Variants in LARGE1 observed in about 807,000 individuals in gnomAD.
The protein encoded by LARGE1 is LARGE xylosyl- and glucuronyltransferase 1, also known as xylosyl- and glucuronyltransferase LARGE1.
A neutral mutation model predicts 87.6 loss-of-function variants in LARGE1; 43 were observed. The observed-to-expected ratio is 0.49, with a 90% confidence interval of 0.38 to 0.63. The LOEUF is 0.63. Ranked by LOEUF, LARGE1 falls within the 30% of genes least tolerant of loss-of-function variation. The probability of loss-of-function intolerance (pLI) is 0.00; values close to 1 mark genes in which losing one functional copy is unlikely to be tolerated. For missense variants in LARGE1, 802 were observed against 1,000.2 expected, an observed-to-expected ratio of 0.80 and a Z score of 2.67; for synonymous variants, 434 against 394.6, an observed-to-expected ratio of 1.10 and a Z score of -1.18.
At chr22:33,122,359 CTTTT>C in the LARGE1 span, among the ~76,000 whole-genome samples, 2 of 132,338 alleles carry the variant, frequency 1.5e-5, no homozygotes, top group African/African-American at 2.9e-5. Flanking sequence ...TTTTCTTTTT[CTTTT>C]TTTTTTTTTT....
chr22:33,084,989 G>A, the LARGE1 span, among the ~76,000 whole-genome samples: 3 of 151,888 alleles, frequency 2.0e-5, no homozygotes, highest in Non-Finnish European at 4.4e-5. Context: ...AAAAACAGTA[G>A]AATTGGCCAG....
At chr22:33,124,386 G>GGAAGGAAGGA in the LARGE1 span, among the ~76,000 whole-genome samples, 15 of 61,628 alleles carry the variant, frequency 2.4e-4, no homozygotes, top group African/African-American at 3.8e-4. Flanking sequence ...GGAAGGAAGG[G>GGAAGGAAGGA]AGGAAGGAAA....
At chr22:33,571,623 G>T (rs917005089) in intron 5 of LARGE1, among the ~76,000 whole-genome samples, 6 of 152,202 alleles carry the variant, frequency 3.9e-5, no homozygotes, top group Non-Finnish European at 7.3e-5. Context: ...CCCCAGTAAA[G>T]ATAATAATAG....
At chr22:33,577,166 C>T (rs1465549254) in intron 5 of LARGE1, among the ~76,000 whole-genome samples, 2 of 151,956 alleles carry the variant, frequency 1.3e-5, no homozygotes, top group African/African-American at 4.8e-5. Context: ...AAAGTTGGTT[C>T]TTGTGGGGAT....
chr22:33,643,859 C>T (rs542110401), intron 3 of LARGE1, among the ~76,000 whole-genome samples: 16 of 151,948 alleles, frequency 1.1e-4, no homozygotes, highest in Non-Finnish European at 2.2e-4. Flanking sequence ...AAGACTAAAC[C>T]AGGAAGAAAT....
intron 10 of LARGE1, among the ~76,000 whole-genome samples, chr22:33,326,021 C>G (rs567594848): frequency 6.6e-6 from 1 of 152,302 alleles, no homozygotes; most frequent in African/African-American, 2.4e-5. Flanking sequence ...GCCACACAGA[C>G]AGGCAGAAAA....
At chr22:33,570,861 C>T (rs1211395228) in intron 5 of LARGE1, among the ~76,000 whole-genome samples, 1 of 151,882 alleles carries the variant, frequency 6.6e-6, no homozygotes. Context: ...CACTTCAGTC[C>T]AACCAGGAAC....
intron 11 of LARGE1, among the ~76,000 whole-genome samples, chr22:33,209,760 C>T (rs1178832202): frequency 6.6e-6 from 1 of 152,126 alleles, no homozygotes; most frequent in African/African-American, 2.4e-5. Context: ...ATCCTCCCAC[C>T]TCAGCTTCCT....
chr22:33,485,040 T>C (rs903363133), intron 6 of LARGE1, among the ~76,000 whole-genome samples: 7 of 150,150 alleles, frequency 4.7e-5, no homozygotes, highest in African/African-American at 7.4e-5. Flanking sequence ...GCCTCCTGAG[T>C]AGCTGGGATT....
chr22:33,291,167 A>G (rs545383179), intron 12 of LARGE1, among the ~76,000 whole-genome samples: 14 of 152,190 alleles, frequency 9.2e-5, no homozygotes, highest in Non-Finnish European at 1.9e-4. Context: ...TTTCATCTTA[A>G]GTGTCTAGAA....
chr22:33,698,002 G>A (rs1056142531), intron 2 of LARGE1, among the ~76,000 whole-genome samples: 5 of 152,128 alleles, frequency 3.3e-5, no homozygotes, highest in South Asian at 2.1e-4. Context: ...TCAACTCACC[G>A]CAGTAAACAG....
chr22:33,470,989 G>T (rs1232009721), intron 6 of LARGE1, among the ~76,000 whole-genome samples: 1 of 150,966 alleles, frequency 6.6e-6, no homozygotes, highest in African/African-American at 2.4e-5. Context: ...ACTTATAAAC[G>T]TTGTAGGACT....
At chr22:33,184,975 C>G (rs190453892) in intron 11 of LARGE1, among the ~76,000 whole-genome samples, 1 of 152,116 alleles carries the variant, frequency 6.6e-6, no homozygotes, top group Non-Finnish European at 1.5e-5. Flanking sequence ...CAAAATGGTA[C>G]AGCCACTTTG....
rs370766360 is a variant in LARGE1 at position 33,872,541 on chromosome 22, A to G, written c.-83+47454T>C. ...ACCGCCACCCCCCCAGCGACACACT[A>G]GCTGTGGACACATCCTTTACGCCCT... On this transcript the variant is annotated intron_variant, in intron 1 of 14. Coordinates refer to ENST00000397394, the MANE Select transcript of LARGE1 (RefSeq NM_133642.5). Among the ~76,000 whole-genome samples the G allele has an allele frequency of 1.1e-4, 17 of 152,104 alleles. No individual in the cohort carries two copies. In the East Asian group the frequency reaches 3.3e-3, roughly 29 times the overall value.
chr22:33,229,059 C>T (rs1430402492), intron 11 of LARGE1, among the ~76,000 whole-genome samples: 1 of 152,156 alleles, frequency 6.6e-6, no homozygotes, highest in Non-Finnish European at 1.5e-5. Flanking sequence ...AATGCCAAGC[C>T]TGAAGCATGT....
At chr22:33,260,617 G>A (rs78318013) in intron 11 of LARGE1, among the ~76,000 whole-genome samples, 2,292 of 152,322 alleles carry the variant, frequency 0.015, 32 homozygotes, top group Middle Eastern at 0.034. Context: ...CTGGGACAGC[G>A]GTTTGCTGAA....
At chr22:33,223,853 C>T (rs538008139) in intron 11 of LARGE1, among the ~76,000 whole-genome samples, 1 of 152,306 alleles carries the variant, frequency 6.6e-6, no homozygotes, top group South Asian at 2.1e-4. Context: ...CCTGGCCCTG[C>T]AGCTTGTTTT....
At chr22:33,654,130 T>C (rs189945176) in intron 2 of LARGE1, among the ~76,000 whole-genome samples, 196 of 152,310 alleles carry the variant, frequency 1.3e-3, no homozygotes, top group African/African-American at 4.5e-3. Context: ...GCGGGGGTTT[T>C]CCCACTTTTA....
intron 1 of LARGE1, among the ~76,000 whole-genome samples, chr22:33,848,677 A>AT (rs1469626462): frequency 6.6e-6 from 1 of 152,162 alleles, no homozygotes; most frequent in Non-Finnish European, 1.5e-5. Context: ...AGGTATGCCT[A>AT]TCCCCCAATT....
Sources: gnomAD v4.1 joint callset for allele counts (sites outside exome capture counted in the v4.1 genomes callset) on GRCh38, gnomAD v4.1.1 for gene constraint, MANE v1.5 for transcripts, NCBI Gene and HGNC (gene_info 2026-07-23, HGNC 2026-07-21) for gene names.